The following CYB5RL variants were observed in gnomAD, a reference collection of about 807,000 sequenced individuals.
CYB5RL encodes NADH-cytochrome b5 reductase-like.
Under a neutral mutation model 37.5 loss-of-function variants are expected in CYB5RL, and 38 were observed. The observed-to-expected ratio is 1.01, with a 90% CI of 0.78 to 1.33. The LOEUF is 1.33. CYB5RL is among the 40% of genes most tolerant of loss of function. The pLI, the probability that CYB5RL is intolerant of heterozygous loss-of-function variation, is 0.00. For synonymous variants in CYB5RL, 141 were observed against 151.9 expected (o/e 0.93, Z 0.53); for missense variants, 388 against 394.4 (o/e 0.98, Z 0.14).
intron 6 of CYB5RL, among the ~76,000 whole-genome samples, chr1:54,183,705 G>A (rs554814050): frequency 2.6e-5 from 4 of 152,180 alleles, no homozygotes; most frequent in African/African-American, 4.8e-5. Flanking sequence ...GCTGGGCGCG[G>A]TGGCTCACGC....
chr1:54,190,091 C>G (rs1302483283), intron 4 of CYB5RL, among the ~76,000 whole-genome samples: 1 of 152,202 alleles, frequency 6.6e-6, no homozygotes, highest in Non-Finnish European at 1.5e-5. Flanking sequence ...AGCCAACAGC[C>G]TGGCAGACAG....
chr1:54,179,983 C>T (rs1260690613), intron 6 of CYB5RL: 1 of 453,948 alleles, frequency 2.2e-6, no homozygotes. Flanking sequence ...TGGTGGCTCA[C>T]ACCTATAAAC....
Position 54,190,741 on chromosome 1 carries a change from AGTGTACC to A in CYB5RL, c.347_347+6del. The A allele has an allele frequency of 6.4e-7, 1 of 1,552,034 alleles. No homozygotes were observed. Among genetic ancestry groups the A allele is most frequent in the Non-Finnish European group, 8.7e-7 (1 of 1,147,214 alleles). On this transcript the variant is annotated splice_donor_variant and splice_donor_5th_base_variant and coding_sequence_variant and intron_variant, in exon 4 of 8. Coordinates refer to ENST00000534324, the MANE Select transcript of CYB5RL (RefSeq NM_001031672.4). LOFTEE classifies it high-confidence loss of function. ...GAAGCTTTGGTCCTCCCGCTACCTGAGTGTACCGTAGGATGAGGTGCTGGCCGGGCCG... is the reference window on the plus strand; with the variant it reads ...GAAGCTTTGGTCCTCCCGCTACCTGAGTAGGATGAGGTGCTGGCCGGGCCG...
chr1:54,187,024 G>A (rs1407625178), intron 5 of CYB5RL, among the ~76,000 whole-genome samples: 3 of 152,178 alleles, frequency 2.0e-5, no homozygotes, highest in Non-Finnish European at 2.9e-5. Flanking sequence ...TGAAGCTGAT[G>A]TTTCTTTAAG....
chr1:54,181,066 T>C (rs1281759262), intron 6 of CYB5RL, among the ~76,000 whole-genome samples: 1 of 152,158 alleles, frequency 6.6e-6, no homozygotes, highest in African/African-American at 2.4e-5. Context: ...GCAGATCCAA[T>C]TAGATTCCTC....
chr1:54,182,550 A>G (rs919916427), intron 6 of CYB5RL, among the ~76,000 whole-genome samples: 4 of 152,082 alleles, frequency 2.6e-5, no homozygotes, highest in Non-Finnish European at 5.9e-5. Context: ...AAAAAAAACA[A>G]TAAAAGCTTT....
Position 54,179,314 on chromosome 1 carries a change from C to T in CYB5RL, c.579G>A (p.Leu193=), listed in dbSNP as rs1660099434. Residue 193 remains leucine, a synonymous_variant, in exon 7 of 8, where the codon CTG becomes CTA. Coordinates refer to ENST00000534324, the MANE Select transcript of CYB5RL (RefSeq NM_001031672.4). ...ELLLLAAGTG[L]APMVPILQSI... ...TCTGCAGGATAGGCACCATGGGGGC[C>T]AGGCCCGTGCCCGCAGCCAGCAAGA... The T allele has an allele frequency of 1.2e-6, 2 of 1,613,764 alleles. No homozygotes were observed. Among genetic ancestry groups the T allele is most frequent in the Non-Finnish European group, 1.7e-6 (2 of 1,179,842 alleles).
intron 2 of CYB5RL, among the ~76,000 whole-genome samples, chr1:54,196,116 T>C (rs1644005562): frequency 6.6e-6 from 1 of 152,230 alleles, no homozygotes; most frequent in South Asian, 2.1e-4. Context: ...TTTCCTGATC[T>C]GTTCCTGTGC....
At chr1:54,197,144 T>C (rs568254952) in intron 1 of CYB5RL, among the ~76,000 whole-genome samples, 6 of 152,056 alleles carry the variant, frequency 3.9e-5, no homozygotes, top group Admixed American at 1.3e-4. Flanking sequence ...CAGTTGTGAG[T>C]TGGATTAAAC....
intron 3 of CYB5RL, among the ~76,000 whole-genome samples, chr1:54,194,825 G>C (rs1015042720): frequency 6.6e-6 from 1 of 152,166 alleles, no homozygotes; most frequent in Non-Finnish European, 1.5e-5. Flanking sequence ...AGAAGGAATA[G>C]GTCCTCAGTT....
chr1:54,180,241 A>AG (rs1469600271), intron 6 of CYB5RL: 1 of 412,548 alleles, frequency 2.4e-6, no homozygotes, highest in Non-Finnish European at 4.7e-6. Flanking sequence ...CATCTAAAAA[A>AG]AAAAAAAAAA....
chr1:54,194,758 TC>T (rs1293538791), intron 3 of CYB5RL, among the ~76,000 whole-genome samples: 7 of 152,224 alleles, frequency 4.6e-5, no homozygotes, highest in Non-Finnish European at 7.3e-5. Context: ...GGAAGACTGT[TC>T]AGATGCGGGA....
At chr1:54,182,539 G>GA (rs945732720) in intron 6 of CYB5RL, among the ~76,000 whole-genome samples, 8 of 150,734 alleles carry the variant, frequency 5.3e-5, no homozygotes, top group African/African-American at 1.5e-4. Context: ...TTTATAAAAG[G>GA]AAAAAAAACA....
intron 7 of CYB5RL, among the ~76,000 whole-genome samples, chr1:54,175,339 G>A (rs1400280910): frequency 2.6e-5 from 4 of 152,244 alleles, no homozygotes; most frequent in Admixed American, 1.3e-4. Context: ...CTGCTCAGAA[G>A]AGACAAGGGT....
intron 4 of CYB5RL, chr1:54,190,533 T>C (rs1258745573): frequency 3.1e-6 from 2 of 646,858 alleles, no homozygotes; most frequent in South Asian, 3.9e-5. Context: ...GTGCCTTGGA[T>C]AGTAAATGCT....
At chr1:54,196,059 T>A (rs1644005012) in intron 2 of CYB5RL, among the ~76,000 whole-genome samples, 1 of 152,252 alleles carries the variant, frequency 6.6e-6, no homozygotes, top group Admixed American at 6.5e-5. Flanking sequence ...CAAGCATAGC[T>A]TGGCATATGG....
In CYB5RL at chr1:54,190,629, C is replaced by A; in HGVS notation, c.347+119G>T. On this transcript the variant is annotated intron_variant, in intron 4 of 7. Transcript: ENST00000534324. The stretch of plus-strand genomic sequence containing the variant: ...CTCTCTGAGTCATGTGTCACTATGT[C>A]TATCTTGAAGATGACAAATGGAGGC... 5.4e-6 allele frequency: 7 copies of A among 1,287,100 alleles called. No homozygotes were observed. In the Middle Eastern group the frequency reaches 9.2e-4, roughly 169 times the overall value. 79.7% of individuals were successfully genotyped at this position (1,287,100 alleles called of 1,614,324 possible).
chr1:54,194,876 G>A (rs556771444), intron 3 of CYB5RL, among the ~76,000 whole-genome samples: 77 of 152,316 alleles, frequency 5.1e-4, no homozygotes, highest in African/African-American at 1.8e-3. Flanking sequence ...CCAGTGTTCT[G>A]ACATCTATAA....
At position 54,181,934 on chromosome 1, in the gene CYB5RL, AAGG is replaced by A. The variant is rs201059274; in HGVS notation, c.540+2224_540+2226del. Among the ~76,000 whole-genome samples the A allele has an allele frequency of 7.4e-3, 1,122 of 152,286 alleles. 15 individuals carry two copies. The highest frequency in any genetic ancestry group is 0.025 in the African/African-American group (1,046 of 41,552). ...ACTCCAGCTTGGGCAACAGGGAGGG[AAGG>A]AGGACGGGAAGACAGGAAGGCAGGA... is the stretch of plus-strand genomic sequence containing the variant. On this transcript the variant is annotated intron_variant, in intron 6 of 7. Coordinates refer to ENST00000534324, the MANE Select transcript of CYB5RL (RefSeq NM_001031672.4).
Sources: gnomAD v4.1 joint callset for allele counts (sites outside exome capture counted in the v4.1 genomes callset) on GRCh38, gnomAD v4.1.1 for gene constraint, MANE v1.5 for transcripts, NCBI Gene and HGNC (gene_info 2026-07-23, HGNC 2026-07-21) for gene names.